Variants in NCOR1 observed in about 807,000 individuals in gnomAD.
NCOR1 encodes protein phosphatase 1, regulatory subunit 109.
In NCOR1, 63 loss-of-function variants were observed where a neutral mutation model predicts 288.1. The ratio of observed to expected loss-of-function variants is 0.22; its 90% CI spans 0.18 to 0.27. The LOEUF is 0.27. Among genes scored for constraint, NCOR1 ranks in the 10% least tolerant of loss-of-function variants. The pLI is 1.00. For missense variants in NCOR1, 2,397 were observed against 3,019.2 expected, an observed-to-expected ratio of 0.79 and a Z score of 4.83; for synonymous variants, 1,007 against 1,065.9, an observed-to-expected ratio of 0.94 and a Z score of 1.08.
intron 6 of NCOR1, among the ~76,000 whole-genome samples, chr17:16,153,695 A>C (rs1452281016): frequency 6.6e-6 from 1 of 152,212 alleles, no homozygotes; most frequent in African/African-American, 2.4e-5. Flanking sequence ...AGTTTTAAAA[A>C]AGCAAACAAT....
intron 21 of NCOR1, among the ~76,000 whole-genome samples, chr17:16,092,695 A>ATTTTTTTTTT (rs1184440315): frequency 1.3e-4 from 3 of 22,600 alleles, no homozygotes; most frequent in African/African-American, 2.1e-4. Context: ...ATATATATAT[A>ATTTTTTTTTT]TTTTTTTTTT....
chr17:16,055,705 T>A (rs1453964223), intron 40 of NCOR1, among the ~76,000 whole-genome samples: 1 of 152,152 alleles, frequency 6.6e-6, no homozygotes, highest in Non-Finnish European at 1.5e-5. Flanking sequence ...AAAATGAAAA[T>A]CAGTTGATGC....
At chr17:16,207,378 G>C (rs1477149563) in intron 1 of NCOR1, among the ~76,000 whole-genome samples, 1 of 152,118 alleles carries the variant, frequency 6.6e-6, no homozygotes, top group African/African-American at 2.4e-5. Context: ...ACAAAGTATG[G>C]GGTAAAGGGG....
chr17:16,104,853 G>A (rs2068295885), intron 19 of NCOR1, among the ~76,000 whole-genome samples: 1 of 152,168 alleles, frequency 6.6e-6, no homozygotes, highest in Non-Finnish European at 1.5e-5. Flanking sequence ...AGTGGGTGAG[G>A]AGGTATTATA....
intron 40 of NCOR1, among the ~76,000 whole-genome samples, chr17:16,049,705 G>C (rs1034775637): frequency 3.3e-5 from 5 of 151,080 alleles, no homozygotes; most frequent in Admixed American, 6.6e-5. Context: ...TCAGCCTCCC[G>C]AGCAGCTGGA....
intron 4 of NCOR1, 108 bp downstream of exon 4, chr17:16,171,695 C>A (rs1049294758): frequency 4.7e-6 from 5 of 1,054,494 alleles, no homozygotes; most frequent in Non-Finnish European, 5.1e-6. Context: ...ATACCACTAA[C>A]CTTTAGAGAC....
intron 14 of NCOR1, among the ~76,000 whole-genome samples, chr17:16,127,565 GTATGTA>G (rs1250225836): frequency 7.4e-6 from 1 of 135,978 alleles, no homozygotes; most frequent in African/African-American, 2.9e-5. Flanking sequence ...GTGTATATAT[GTATGTA>G]TATATACATA....
intron 1 of NCOR1, among the ~76,000 whole-genome samples, chr17:16,214,681 T>C (rs2092404792): frequency 6.6e-6 from 1 of 152,228 alleles, no homozygotes; most frequent in South Asian, 2.1e-4. Context: ...CCTGATCCAG[T>C]TAATTTGAAG....
At position 16,098,511 on chromosome 17, in the gene NCOR1, T is replaced by TA. The variant is rs778617621; in HGVS notation, c.2691-16dup. 28 of 1,590,394 alleles carry TA rather than the reference T, an allele frequency of 1.8e-5. No individual in the cohort carries two copies. The highest frequency in any genetic ancestry group is 2.7e-5 in the African/African-American group (2 of 73,468). ...TAGGAAACATTCTGCAATTGCAATT[T>TA]AAAAAAAAGATAAATGAATACATTT... On this transcript the variant is annotated splice_polypyrimidine_tract_variant and intron_variant, in intron 20 of 45. Coordinates refer to ENST00000268712, the MANE Select transcript of NCOR1 (RefSeq NM_006311.4).
rs2067469657 is a variant in NCOR1 at position 16,100,741 on chromosome 17, TA to T, written c.2690+508del. Among the ~76,000 whole-genome samples, 6 of 152,404 alleles carry T rather than the reference TA, an allele frequency of 3.9e-5. No homozygotes were observed. In the South Asian group the frequency reaches 1.2e-3, roughly 32 times the overall value. Reference sequence around the variant, plus strand: ...GTTAACTGATACAAAAAAGTGGTCATAATTATCATTACTTTGCATTTAAATT... The same window carrying T: ...GTTAACTGATACAAAAAAGTGGTCATATTATCATTACTTTGCATTTAAATT... On this transcript the variant is annotated intron_variant, in intron 20 of 45. Transcript: ENST00000268712.
chr17:16,165,271 G>T, intron 4 of NCOR1, 110 bp from the exon 5 acceptor site: 2 of 812,140 alleles, frequency 2.5e-6, no homozygotes, highest in Non-Finnish European at 3.7e-6. Flanking sequence ...TGTACTATTT[G>T]TCTAATGAAA....
intron 9 of NCOR1, 22 bp downstream of exon 9, chr17:16,149,429 G>A: frequency 2.1e-6 from 3 of 1,431,190 alleles, no homozygotes; most frequent in Non-Finnish European, 2.9e-6. Flanking sequence ...ATAAATTTCA[G>A]TTAACAAGGA....
intron 3 of NCOR1, among the ~76,000 whole-genome samples, chr17:16,176,693 T>G (rs920481768): frequency 6.6e-6 from 1 of 152,100 alleles, no homozygotes; most frequent in Non-Finnish European, 1.5e-5. Flanking sequence ...CTCAGAACTT[T>G]GTAGCTACTG....
intron 42 of NCOR1, among the ~76,000 whole-genome samples, chr17:16,042,113 C>T (rs2057817336): frequency 6.6e-6 from 1 of 151,682 alleles, no homozygotes; most frequent in Admixed American, 6.6e-5. Context: ...GGGAAGAGTG[C>T]ATGTGCCTAG....
chr17:16,139,212 G>A (rs1294108927), intron 11 of NCOR1, 26 bp from the exon 12 acceptor site: 1 of 1,593,764 alleles, frequency 6.3e-7, no homozygotes, highest in East Asian at 2.2e-5. Flanking sequence ...AATTTACTTA[G>A]AATAAAACAT....
At chr17:16,185,950 A>G (rs2086594800) in intron 3 of NCOR1, among the ~76,000 whole-genome samples, 1 of 152,142 alleles carries the variant, frequency 6.6e-6, no homozygotes, top group African/African-American at 2.4e-5. Context: ...CCAAAAAACA[A>G]GAAAAAACAA....
intron 18 of NCOR1, among the ~76,000 whole-genome samples, chr17:16,111,517 G>A (rs540892307): frequency 2.0e-5 from 3 of 152,106 alleles, no homozygotes; most frequent in South Asian, 2.1e-4. Context: ...CAGGAGTATC[G>A]CTTGAGCCCA....
At chr17:16,184,820 T>G (rs1488482401) in intron 3 of NCOR1, among the ~76,000 whole-genome samples, 2 of 151,872 alleles carry the variant, frequency 1.3e-5, no homozygotes, top group Admixed American at 1.3e-4. Context: ...AATCTAAGTG[T>G]TTGTCAATGA....
intron 6 of NCOR1, among the ~76,000 whole-genome samples, chr17:16,156,948 T>C (rs2079909257): frequency 6.6e-6 from 1 of 152,104 alleles, no homozygotes; most frequent in African/African-American, 2.4e-5. Flanking sequence ...TCCAATTTAT[T>C]TGAAAAATAA....
Sources: allele counts gnomAD v4.1 joint callset (sites outside exome capture counted in the v4.1 genomes callset), GRCh38; gene constraint gnomAD v4.1.1; transcripts MANE v1.5; gene names NCBI Gene and HGNC (gene_info 2026-07-23, HGNC 2026-07-21).